BMP2K: variants seen among roughly 807,000 people sequenced by gnomAD.
The protein encoded by BMP2K is BMP2 inducible kinase, also known as BMP-2-inducible protein kinase.
In BMP2K, 74 loss-of-function variants were observed where a neutral mutation model predicts 116.0. The ratio of observed to expected loss-of-function variants is 0.64; its 90% confidence interval spans 0.53 to 0.77. BMP2K has a LOEUF of 0.77. BMP2K is among the 30% of genes least tolerant of loss of function. The probability of loss-of-function intolerance (pLI) is 0.00; values close to 1 mark genes in which losing one functional copy is unlikely to be tolerated. For missense variants in BMP2K, 1,365 were observed against 1,403.6 expected, an observed-to-expected ratio of 0.97 and a Z score of 0.44; for synonymous variants, 486 against 502.5, an observed-to-expected ratio of 0.97 and a Z score of 0.44.
Position 78,826,121 on chromosome 4 carries a change from A to G in BMP2K, c.263A>G (p.Asp88Gly). ...CGAATGTATGTCAATAACATGCCAG[A>G]CCTCAATGTTTGTAAAAGGGAAATT... ...LKRMYVNNMP[D>G]LNVCKREITI... Residue 88 changes from aspartate to glycine, a missense_variant, in exon 2 of 16, where the codon GAC (aspartate) becomes GGC (glycine). This residue lies in a region of BMP2K where 762 missense variants were observed against 756.7 expected (regional missense o/e 1.01). Coordinates refer to ENST00000502613, the MANE Select transcript of BMP2K (RefSeq NM_198892.2). 6.2e-7 allele frequency: 1 copy of G among 1,613,852 alleles called. No homozygotes were observed. Among genetic ancestry groups the G allele is most frequent in the Non-Finnish European group, 8.5e-7 (1 of 1,179,746 alleles).
intron 2 of BMP2K, among the ~76,000 whole-genome samples, chr4:78,829,693 A>G (rs938425879): frequency 1.3e-5 from 2 of 152,094 alleles, no homozygotes; most frequent in African/African-American, 4.8e-5. Context: ...CTTGAAAGTT[A>G]AAATTACTCC....
At chr4:78,792,460 A>T (rs1728049236) in intron 1 of BMP2K, among the ~76,000 whole-genome samples, 1 of 152,202 alleles carries the variant, frequency 6.6e-6, no homozygotes, top group South Asian at 2.1e-4. Context: ...ATTCATTTAG[A>T]CTTGGATATT....
intron 1 of BMP2K, among the ~76,000 whole-genome samples, chr4:78,810,872 A>AT (rs567645033): frequency 6.6e-6 from 1 of 152,152 alleles, no homozygotes; most frequent in Non-Finnish European, 1.5e-5. Context: ...GAAAAAGTTG[A>AT]TTTTGACAAT....
rs764722034 is a variant in BMP2K at position 78,844,992 on chromosome 4, A to G, written c.611A>G (p.Asn204Ser). The change falls in exon 5 of 16, where the codon AAT becomes AGT. Residue 204 changes from asparagine to serine, a missense_variant. Coordinates refer to ENST00000502613, the MANE Select transcript of BMP2K (RefSeq NM_198892.2). ...YVLCDFGSATNKFLNPQKDGV... is the reference protein window; with the variant it reads ...YVLCDFGSATSKFLNPQKDGV... ...CTTTGTGACTTTGGCAGTGCCACTA[A>G]TAAATTTCTTAATCCTCAAAAAGAT... 3 of 1,595,588 alleles carry G rather than the reference A, an allele frequency of 1.9e-6. No homozygotes were observed. Among genetic ancestry groups the G allele is most frequent in the East Asian group, 2.2e-5 (1 of 44,584 alleles).
intron 2 of BMP2K, among the ~76,000 whole-genome samples, chr4:78,827,842 C>T (rs757946269): frequency 6.6e-5 from 10 of 152,216 alleles, no homozygotes; most frequent in Non-Finnish European, 1.2e-4. Flanking sequence ...TTTCTTTGAT[C>T]AAAGTAGCAG....
intron 1 of BMP2K, among the ~76,000 whole-genome samples, chr4:78,778,496 C>G (rs2109911478): frequency 6.6e-6 from 1 of 152,296 alleles, no homozygotes; most frequent in East Asian, 1.9e-4. Flanking sequence ...TAGGAGGAAG[C>G]AAGGACTGAA....
In BMP2K at chr4:78,865,571, T is replaced by C. The variant is rs756113228; in HGVS notation, c.1082T>C (p.Ile361Thr). 7 of 1,614,012 alleles carry C rather than the reference T, an allele frequency of 4.3e-6. No homozygotes were observed. Among genetic ancestry groups the C allele is most frequent in the Non-Finnish European group, 5.1e-6 (6 of 1,179,902 alleles). The change falls in exon 10 of 16, where the codon ATT (isoleucine) becomes ACT (threonine). Residue 361 changes from isoleucine (I) to threonine (T), a missense_variant. By Grantham distance (89) the Ile-to-Thr change is moderately conservative (BLOSUM62 -1). Transcript: ENST00000502613. ...SQIKARITDT[I>T]GPTETSIAPR... is the part of the protein sequence containing the mutation. ...TTCTGTTGTAGAATAACAGATACCA[T>C]TGGACCAACAGAAACCTCAATTGCA...
At chr4:78,879,107 G>A in intron 14 of BMP2K, 1 of 1,287,220 alleles carries the variant, frequency 7.8e-7, no homozygotes, top group Non-Finnish European at 9.8e-7. Context: ...CAATATTGCT[G>A]ATAGTATGCT....
At chr4:78,905,950 A>G (rs1734261233) in intron 15 of BMP2K, among the ~76,000 whole-genome samples, 1 of 152,208 alleles carries the variant, frequency 6.6e-6, no homozygotes, top group Non-Finnish European at 1.5e-5. Flanking sequence ...TAAAATACTT[A>G]TTCTGACAGT....
rs888705178 is a variant in BMP2K at position 78,915,546 on chromosome 4, A to G, written c.*3513A>G. The stretch of plus-strand genomic sequence containing the variant: ...CAGTCTACTGTGAGAATGAGATGAC[A>G]TATCTACTGTGAGAATACCATAAAT... On this transcript the variant is annotated 3_prime_UTR_variant, in exon 16 of 16. Transcript: ENST00000502613. 1 of 151,882 alleles carries G rather than the reference A, an allele frequency of 6.6e-6. No individual in the cohort carries two copies. The highest frequency in any genetic ancestry group is 2.4e-5 in the African/African-American group (1 of 41,382). 9.4% of individuals were successfully genotyped at this position (151,882 alleles called of 1,614,324 possible). A position where few individuals can be genotyped will look rare whatever the true frequency, so the allele number is the denominator to read the frequency against.
intron 13 of BMP2K, among the ~76,000 whole-genome samples, chr4:78,873,156 G>A (rs778393066): frequency 5.9e-5 from 9 of 152,104 alleles, no homozygotes. Flanking sequence ...CTATTTACAT[G>A]TTATTACCTT....
chr4:78,838,191 C>T (rs1244968044), intron 3 of BMP2K, among the ~76,000 whole-genome samples: 3 of 152,096 alleles, frequency 2.0e-5, no homozygotes, highest in African/African-American at 4.8e-5. Context: ...TTTTTAAAAC[C>T]ATCGGATGTC....
chr4:78,887,055 G>A, intron 14 of BMP2K, 119 bp from the exon 15 acceptor site: 1 of 667,844 alleles, frequency 1.5e-6, no homozygotes, highest in East Asian at 2.7e-5. Flanking sequence ...TGAACCTAAT[G>A]TTTTGCAAAA....
intron 13 of BMP2K, among the ~76,000 whole-genome samples, 195 bp from the exon 14 acceptor site, chr4:78,878,539 T>A (rs1732742329): frequency 6.6e-6 from 1 of 152,156 alleles, no homozygotes; most frequent in Admixed American, 6.6e-5. Flanking sequence ...ATTATGGAGC[T>A]AGTATACCTT....
At chr4:78,794,428 T>C (rs552743839) in intron 1 of BMP2K, among the ~76,000 whole-genome samples, 317 of 152,278 alleles carry the variant, frequency 2.1e-3, no homozygotes, top group African/African-American at 7.1e-3. Context: ...AAAGTAGACT[T>C]AGAAACTGTC....
intron 3 of BMP2K, 28 bp downstream of exon 3, chr4:78,833,715 A>G (rs1051923338): frequency 6.6e-7 from 1 of 1,512,644 alleles, no homozygotes; most frequent in Admixed American, 1.9e-5. Context: ...TTTGTACTGT[A>G]ATAAAAAGTT....
intron 1 of BMP2K, among the ~76,000 whole-genome samples, chr4:78,813,307 A>G (rs969320657): frequency 6.6e-6 from 1 of 152,214 alleles, no homozygotes; most frequent in African/African-American, 2.4e-5. Context: ...AAATTGCAGC[A>G]GATTTACTGA....
At chr4:78,804,136 C>T (rs1321409199) in intron 1 of BMP2K, among the ~76,000 whole-genome samples, 1 of 152,180 alleles carries the variant, frequency 6.6e-6, no homozygotes, top group Non-Finnish European at 1.5e-5. Context: ...CTCCCCACCC[C>T]AAACTCTTGT....
At chr4:78,894,472 A>G (rs1204567716) in intron 15 of BMP2K, among the ~76,000 whole-genome samples, 1 of 152,148 alleles carries the variant, frequency 6.6e-6, no homozygotes, top group Admixed American at 6.5e-5. Context: ...TCATGATCCA[A>G]CCTCTACTAG....
Sources: gnomAD v4.1 joint callset for allele counts (sites outside exome capture counted in the v4.1 genomes callset) on GRCh38, gnomAD v4.1.1 for gene constraint, gnomAD v4.1.1 regional missense constraint, MANE v1.5 for transcripts, NCBI Gene and HGNC (gene_info 2026-07-23, HGNC 2026-07-21) for gene names.